BTBD10: variants seen among roughly 807,000 people sequenced by gnomAD.
BTBD10 encodes BTB/POZ domain-containing protein 10.
A neutral mutation model predicts 53.2 loss-of-function variants in BTBD10; 21 were observed. The observed-to-expected ratio is 0.39, with a 90% CI of 0.28 to 0.57. BTBD10 has a LOEUF of 0.57. BTBD10 is among the 20% of genes least tolerant of loss of function. BTBD10 has a pLI of 0.53. For synonymous variants in BTBD10, 149 were observed against 192.7 expected (o/e 0.77, Z 1.88); for missense variants, 360 against 594.7 (o/e 0.61, Z 4.10).
chr11:13,413,757 T>C (rs1419174001), intron 5 of BTBD10, 107 bp from the exon 6 acceptor site: 6 of 1,046,520 alleles, frequency 5.7e-6, no homozygotes, highest in Non-Finnish European at 7.8e-6. Context: ...TAGAGAACTC[T>C]GACATCTCTG....
At chr11:13,445,593 T>G (rs533547412) in intron 1 of BTBD10, among the ~76,000 whole-genome samples, 1 of 152,174 alleles carries the variant, frequency 6.6e-6, no homozygotes, top group African/African-American at 2.4e-5. Context: ...TAGGAAAGCA[T>G]GTAGTAAAAC....
At chr11:13,410,433 G>A (rs1441086133) in intron 6 of BTBD10, among the ~76,000 whole-genome samples, 1 of 152,122 alleles carries the variant, frequency 6.6e-6, no homozygotes, top group Non-Finnish European at 1.5e-5. Flanking sequence ...ACAGGGTCTT[G>A]CTATGTTGCC....
intron 6 of BTBD10, among the ~76,000 whole-genome samples, chr11:13,410,265 G>A (rs990402326): frequency 2.0e-5 from 3 of 152,168 alleles, no homozygotes; most frequent in South Asian, 4.1e-4. Flanking sequence ...CTTAGAATAA[G>A]TGCAGATTCT....
intron 2 of BTBD10, among the ~76,000 whole-genome samples, chr11:13,435,177 A>ATTTTTTTTTTTTTTTTTTTTT (rs1565260389): frequency 1.3e-5 from 2 of 152,112 alleles, no homozygotes; most frequent in African/African-American, 4.8e-5. Flanking sequence ...TAGCATGAAA[A>ATTTTTTTTTTTTTTTTTTTTT]ATTTTTTAAA....
At chr11:13,393,727 T>C (rs1326930153) in intron 8 of BTBD10, among the ~76,000 whole-genome samples, 1 of 152,220 alleles carries the variant, frequency 6.6e-6, no homozygotes, top group Non-Finnish European at 1.5e-5. Context: ...CACAGGCAAC[T>C]AATATTGGCT....
At chr11:13,436,359 T>C (rs1950543381) in intron 2 of BTBD10, among the ~76,000 whole-genome samples, 1 of 152,218 alleles carries the variant, frequency 6.6e-6, no homozygotes, top group Non-Finnish European at 1.5e-5. Flanking sequence ...TCCACCAGTA[T>C]GCTAGTACTT....
At chr11:13,433,030 T>TA (rs1478902664) in intron 2 of BTBD10, among the ~76,000 whole-genome samples, 6 of 152,260 alleles carry the variant, frequency 3.9e-5, no homozygotes, top group South Asian at 2.1e-4. Context: ...TATAGCTCTG[T>TA]AAAAAACTAT....
intron 1 of BTBD10, among the ~76,000 whole-genome samples, chr11:13,453,521 G>A (rs796798234): frequency 2.0e-5 from 3 of 152,286 alleles, no homozygotes; most frequent in African/African-American, 7.2e-5. Context: ...GTGTTTGGAG[G>A]TGATAGTGCT....
At chr11:13,442,905 G>T (rs1950684692) in intron 2 of BTBD10, among the ~76,000 whole-genome samples, 1 of 151,938 alleles carries the variant, frequency 6.6e-6, no homozygotes, top group Non-Finnish European at 1.5e-5. Context: ...AAGCATATGG[G>T]ACAGGAGGTC....
chr11:13,400,939 T>C (rs551121169), intron 8 of BTBD10, among the ~76,000 whole-genome samples: 5 of 152,202 alleles, frequency 3.3e-5, no homozygotes, highest in Admixed American at 1.3e-4. Context: ...AAGCAGTTAG[T>C]TGTAAGATGT....
At chr11:13,453,035 T>C (rs1950894207) in intron 1 of BTBD10, among the ~76,000 whole-genome samples, 3 of 152,138 alleles carry the variant, frequency 2.0e-5, no homozygotes. Context: ...ACATAATGAA[T>C]ACATCTCCTT....
chr11:13,392,744 C>T (rs933019490), intron 8 of BTBD10, among the ~76,000 whole-genome samples: 5 of 152,122 alleles, frequency 3.3e-5, no homozygotes, highest in Non-Finnish European at 7.3e-5. Flanking sequence ...AATTCACAAT[C>T]CCATCCAATT....
intron 8 of BTBD10, 78 bp downstream of exon 8, chr11:13,403,090 A>G (rs1949746261): frequency 1.1e-6 from 1 of 902,122 alleles, no homozygotes; most frequent in African/African-American, 1.8e-5. Context: ...TTCCAACTGT[A>G]TTCTAAATAA....
intron 6 of BTBD10, 60 bp from the exon 7 acceptor site, chr11:13,405,916 A>T: frequency 6.6e-7 from 1 of 1,510,840 alleles, no homozygotes; most frequent in Non-Finnish European, 9.1e-7. Context: ...GTTCTTTTAG[A>T]AATATAGACT....
intron 6 of BTBD10, among the ~76,000 whole-genome samples, chr11:13,413,160 C>CA (rs1264885264): frequency 6.6e-6 from 1 of 151,960 alleles, no homozygotes; most frequent in Non-Finnish European, 1.5e-5. Flanking sequence ...CGTGGTAATA[C>CA]AAAAAATTAT....
Position 13,391,733 on chromosome 11 carries a change from C to T in BTBD10, c.1118-2592G>A, listed in dbSNP as rs189241964. Among the ~76,000 whole-genome samples the T allele has an allele frequency of 5.3e-5, 8 of 152,344 alleles. No individual in the cohort carries two copies. The East Asian group carries it at 1.5e-3, about 29-fold the overall frequency. On this transcript the variant is annotated intron_variant, in intron 8 of 8. Transcript: ENST00000278174. ...GGCCAAGGCAGGCGGATCATGAGGT[C>T]AAGAGATCGAGTCCATCCTGACCAA...
chr11:13,439,471 C>T (rs1483524571), intron 2 of BTBD10, among the ~76,000 whole-genome samples: 3 of 152,038 alleles, frequency 2.0e-5, no homozygotes, highest in African/African-American at 4.8e-5. Context: ...TTCAGTTAAT[C>T]CTTAGTTCAT....
chr11:13,410,766 A>T (rs1469875959), intron 6 of BTBD10, among the ~76,000 whole-genome samples: 1 of 152,252 alleles, frequency 6.6e-6, no homozygotes. Flanking sequence ...GTTAGCACTT[A>T]GAAAAGTTAA....
chr11:13,399,789 T>C (rs1281156104), intron 8 of BTBD10, among the ~76,000 whole-genome samples: 1 of 152,210 alleles, frequency 6.6e-6, no homozygotes, highest in Non-Finnish European at 1.5e-5. Flanking sequence ...GCAGCAGGTC[T>C]GTTGGAGTTT....
Sources: gnomAD v4.1 joint callset for allele counts (sites outside exome capture counted in the v4.1 genomes callset) on GRCh38, gnomAD v4.1.1 for gene constraint, MANE v1.5 for transcripts, NCBI Gene and HGNC (gene_info 2026-07-23, HGNC 2026-07-21) for gene names.